The following EPC2 variants were observed in gnomAD, a reference collection of about 807,000 sequenced individuals.
EPC2 encodes the protein enhancer of polycomb 2.
In EPC2, 14 loss-of-function variants were observed where a neutral mutation model predicts 92.1. That is an observed-to-expected ratio of 0.15 (90% CI 0.10 to 0.24). The LOEUF is 0.24. Ranked by LOEUF, EPC2 falls within the 10% of genes least tolerant of loss-of-function variation. The probability of loss-of-function intolerance (pLI) is 1.00; values close to 1 mark genes in which losing one functional copy is unlikely to be tolerated. For synonymous variants in EPC2, 340 were observed against 334.7 expected, an observed-to-expected ratio of 1.02 and a Z score of -0.17; for missense variants, 755 against 971.5, an observed-to-expected ratio of 0.78 and a Z score of 2.96.
chr2:148,658,622 T>TATAC (rs1680858149), intron 1 of EPC2, among the ~76,000 whole-genome samples: 1 of 150,880 alleles, frequency 6.6e-6, no homozygotes, highest in African/African-American at 2.4e-5. Flanking sequence ...TATATATATA[T>TATAC]ATATATATAT....
intron 1 of EPC2, among the ~76,000 whole-genome samples, chr2:148,645,774 G>T (rs1396187373): frequency 6.6e-6 from 1 of 151,898 alleles, no homozygotes; most frequent in Non-Finnish European, 1.5e-5. Flanking sequence ...AGGGCCGCCC[G>T]CCGGCCAGTT....
At chr2:148,679,950 GT>G (rs1220809422) in intron 1 of EPC2, among the ~76,000 whole-genome samples, 6 of 152,154 alleles carry the variant, frequency 3.9e-5, no homozygotes, top group African/African-American at 1.4e-4. Flanking sequence ...CCTGGCAAAA[GT>G]TTTTACTACT....
rs544240449 is a variant in EPC2 at position 148,741,025 on chromosome 2, TATTG to T, written c.314-2593_314-2590del. On this transcript the variant is annotated intron_variant, in intron 2 of 13. Coordinates refer to ENST00000258484, the MANE Select transcript of EPC2 (RefSeq NM_015630.4). ...ACTTTTTAAAAGCATGCTTTTGAAT[TATTG>T]ATTATCATATAATAAAGACAAGGTT... Among the ~76,000 whole-genome samples the T allele has an allele frequency of 1.2e-3, 187 of 152,272 alleles. 1 individual carries two copies. The highest frequency in any genetic ancestry group is 3.7e-3 in the African/African-American group (154 of 41,574).
chr2:148,742,746 A>C (rs898927460), intron 2 of EPC2, among the ~76,000 whole-genome samples: 1 of 151,134 alleles, frequency 6.6e-6, no homozygotes, highest in Non-Finnish European at 1.5e-5. Context: ...GTGCCATTGC[A>C]CTATAGCCTG....
intron 1 of EPC2, among the ~76,000 whole-genome samples, chr2:148,682,357 A>G (rs1461505026): frequency 6.6e-6 from 1 of 152,154 alleles, no homozygotes; most frequent in Non-Finnish European, 1.5e-5. Flanking sequence ...AAGCATTCCT[A>G]TTTCTCCACA....
intron 1 of EPC2, among the ~76,000 whole-genome samples, chr2:148,655,210 A>C (rs900548856): frequency 3.3e-5 from 5 of 152,196 alleles, no homozygotes; most frequent in Admixed American, 2.0e-4. Flanking sequence ...GGAACTTTCT[A>C]GTTGGAATAA....
At chr2:148,677,367 A>AT (rs918255745) in intron 1 of EPC2, among the ~76,000 whole-genome samples, 1 of 152,110 alleles carries the variant, frequency 6.6e-6, no homozygotes, top group African/African-American at 2.4e-5. Flanking sequence ...CTGTTTAAAA[A>AT]TTTTCTCATT....
At chr2:148,684,139 G>T (rs536361977) in intron 1 of EPC2, among the ~76,000 whole-genome samples, 12 of 152,222 alleles carry the variant, frequency 7.9e-5, no homozygotes, top group African/African-American at 1.7e-4. Context: ...TTCATTGTTT[G>T]TTGGCCATTT....
At chr2:148,778,763 T>C (rs1264688261) in intron 10 of EPC2, among the ~76,000 whole-genome samples, 1 of 152,076 alleles carries the variant, frequency 6.6e-6, no homozygotes. Context: ...CTCTAGAAAA[T>C]TCTGAATGAG....
At chr2:148,676,865 CT>C (rs11387596) in intron 1 of EPC2, among the ~76,000 whole-genome samples, 2 of 132,940 alleles carry the variant, frequency 1.5e-5, no homozygotes, top group East Asian at 2.9e-4. Context: ...TTATTACCCA[CT>C]TTTTTTGGGG....
intron 1 of EPC2, among the ~76,000 whole-genome samples, chr2:148,680,168 T>G (rs1444757049): frequency 6.6e-6 from 1 of 152,148 alleles, no homozygotes; most frequent in Non-Finnish European, 1.5e-5. Context: ...TATTTATTTC[T>G]TCTTTTGCCC....
At chr2:148,646,529 G>A (rs1221199317) in intron 1 of EPC2, among the ~76,000 whole-genome samples, 7 of 150,514 alleles carry the variant, frequency 4.7e-5, no homozygotes, top group African/African-American at 1.7e-4. Flanking sequence ...ATATAAATAT[G>A]TTTATAATCA....
chr2:148,711,200 T>C (rs1436279026), intron 2 of EPC2, among the ~76,000 whole-genome samples: 1 of 152,138 alleles, frequency 6.6e-6, no homozygotes, highest in Non-Finnish European at 1.5e-5. Context: ...TTTCCTAATA[T>C]ATGCAGTCAG....
intron 2 of EPC2, among the ~76,000 whole-genome samples, chr2:148,699,023 A>C (rs1353203429): frequency 6.6e-6 from 1 of 152,124 alleles, no homozygotes; most frequent in Non-Finnish European, 1.5e-5. Flanking sequence ...GATCTATAAG[A>C]GGGCCAGTAA....
Position 148,784,932 on chromosome 2 carries a change from C to T in EPC2, c.2282C>T (p.Ala761Val). The change falls in exon 13 of 14, where the codon GCC (alanine) becomes GTC (valine). Residue 761 changes from alanine to valine, a missense_variant. Physicochemically the swap from Ala to Val is moderately conservative, Grantham distance 64. This residue lies in a region of EPC2 where 207 missense variants were observed against 260.5 expected (regional missense o/e 0.79). Coordinates refer to ENST00000258484, the MANE Select transcript of EPC2 (RefSeq NM_015630.4). ...CCATCGCCAACAGCCTTAAAACTTG[C>T]CACAGTTGCTGCCAGTATGGACAGA... ...SAPSPTALKL[A>V]TVAASMDRVP... 3 of 1,573,144 alleles carry T rather than the reference C, an allele frequency of 1.9e-6. No individual in the cohort carries two copies. Among genetic ancestry groups the T allele is most frequent in the Non-Finnish European group, 2.6e-6 (3 of 1,158,440 alleles).
chr2:148,717,777 C>T (rs1682288224), intron 2 of EPC2, among the ~76,000 whole-genome samples: 1 of 152,152 alleles, frequency 6.6e-6, no homozygotes, highest in African/African-American at 2.4e-5. Context: ...CTATCCAGAG[C>T]TGAGTTCAGA....
intron 10 of EPC2, among the ~76,000 whole-genome samples, chr2:148,780,382 A>G (rs979001530): frequency 1.3e-5 from 2 of 152,170 alleles, no homozygotes; most frequent in African/African-American, 4.8e-5. Context: ...TGTACTAGGC[A>G]TAACTTGTTA....
At chr2:148,696,729 G>A in intron 2 of EPC2, among the ~76,000 whole-genome samples, 1 of 152,170 alleles carries the variant, frequency 6.6e-6, no homozygotes, top group East Asian at 1.9e-4. Context: ...TAGGCCTTCA[G>A]CATATTCACC....
chr2:148,767,057 G>T (rs1386404912), intron 7 of EPC2, among the ~76,000 whole-genome samples: 1 of 152,036 alleles, frequency 6.6e-6, no homozygotes, highest in African/African-American at 2.4e-5. Context: ...AATTAGCCAG[G>T]CGTGGTGACA....
Sources: gnomAD v4.1 joint callset for allele counts (sites outside exome capture counted in the v4.1 genomes callset) on GRCh38, gnomAD v4.1.1 for gene constraint, gnomAD v4.1.1 regional missense constraint, MANE v1.5 for transcripts, NCBI Gene and HGNC (gene_info 2026-07-23, HGNC 2026-07-21) for gene names.